Variants in NRIP2 observed in about 807,000 individuals in gnomAD.
NRIP2 encodes the protein nuclear receptor-interacting protein 2.
In NRIP2, 27 loss-of-function variants were observed where a neutral mutation model predicts 34.1. That is an observed-to-expected ratio of 0.79 (90% CI 0.58 to 1.09). The LOEUF (loss-of-function observed/expected upper bound fraction) is 1.09. Ranked by LOEUF, NRIP2 falls within the 50% of genes least tolerant of loss-of-function variation. The probability of loss-of-function intolerance (pLI) is 0.00; values close to 1 mark genes in which losing one functional copy is unlikely to be tolerated. For synonymous variants in NRIP2, 145 were observed against 146.9 expected, an observed-to-expected ratio of 0.99 and a Z score of 0.09; for missense variants, 385 against 352.6, an observed-to-expected ratio of 1.09 and a Z score of -0.74.
At chr12:2,830,614 T>C in intron 2 of NRIP2, 94 bp downstream of exon 2, 1 of 1,351,142 alleles carries the variant, frequency 7.4e-7, no homozygotes, top group Non-Finnish European at 1.0e-6. Flanking sequence ...TCTCCCTCCC[T>C]CCCTCTCCCA....
chr12:2,830,618 T>C (rs904907182), intron 2 of NRIP2, 90 bp downstream of exon 2: 9 of 1,379,666 alleles, frequency 6.5e-6, no homozygotes, highest in Non-Finnish European at 8.8e-6. Context: ...CCTCCCTCCC[T>C]CTCCCATCAG....
At chr12:2,830,455 CTTAAT>C in intron 2 of NRIP2, 3 of 410,650 alleles carry the variant, frequency 7.3e-6, no homozygotes, top group Non-Finnish European at 1.3e-5. Context: ...GGAGTACTTA[CTTAAT>C]TTAAGTATTG....
chr12:2,827,947 C>T lies in NRIP2; in HGVS notation c.679G>A (p.Val227Met). 1.2e-6 allele frequency: 2 copies of T among 1,614,178 alleles called. No individual in the cohort carries two copies. The highest frequency in any genetic ancestry group is 2.2e-5 in the South Asian group (2 of 91,084). The change falls in exon 4 of 6, where the codon GTG (valine) becomes ATG (methionine). Residue 227 changes from valine to methionine, a missense_variant. Transcript: ENST00000337508. This position sits in a 1 kb window ranked among gnomAD's most constrained non-coding sequence, Gnocchi z 4.0. ...TTACCCACCACCTGTGCCGAGCACA[C>T]CACAGTCTCCTGCCCCAGCTGTAGC... ...LELQLGQETVVCSAQVVDAES... is the reference protein window; with the variant it reads ...LELQLGQETVMCSAQVVDAES...
intron 3 of NRIP2, 100 bp downstream of exon 3, chr12:2,828,232 A>G: frequency 8.2e-7 from 1 of 1,224,002 alleles, no homozygotes; most frequent in South Asian, 1.2e-5. Flanking sequence ...CTTTATTGAG[A>G]TAAAATATGC....
At position 2,826,884 on chromosome 12, in the gene NRIP2, G is replaced by A. The variant is rs984152947; in HGVS notation, c.*323C>T. On this transcript the variant is annotated 3_prime_UTR_variant, in exon 6 of 6. Transcript: ENST00000337508. Reference sequence around the variant, plus strand: ...AAGGACAGCAGTCAGCAGAGCCTTCGACCCAGCCCAAGCAGGCACCCCATT... The same window carrying A: ...AAGGACAGCAGTCAGCAGAGCCTTCAACCCAGCCCAAGCAGGCACCCCATT... 16 of 817,586 alleles carry A rather than the reference G, an allele frequency of 2.0e-5. 1 individual carries two copies. Among genetic ancestry groups the A allele is most frequent in the South Asian group, 1.1e-4 (5 of 45,218 alleles). 50.6% of individuals were successfully genotyped at this position (817,586 alleles called of 1,614,324 possible).
Position 2,827,299 on chromosome 12 carries a change from A to G in NRIP2, c.754T>C (p.Cys252Arg), listed in dbSNP as rs772802449. 1 of 1,613,356 alleles carries G rather than the reference A, an allele frequency of 6.2e-7. No individual in the cohort carries two copies. Among genetic ancestry groups the G allele is most frequent in the Non-Finnish European group, 8.5e-7 (1 of 1,179,790 alleles). ...LGLQTLLSLK[C>R]CIDLEHGVLR... The stretch of plus-strand genomic sequence containing the variant: ...ACTCCGTGCTCCAGGTCGATGCAGC[A>G]CTGCGGGGTGTAGAGCAGTCATGCC... Residue 252 changes from cysteine to arginine, a missense_variant and splice_region_variant, in exon 6 of 6, where the codon TGC becomes CGC. Physicochemically the swap from Cys to Arg is radical, Grantham distance 180. Coordinates refer to ENST00000337508, the MANE Select transcript of NRIP2 (RefSeq NM_031474.3). This position sits in a 1 kb window ranked among gnomAD's most constrained non-coding sequence, Gnocchi z 4.0.
In NRIP2 at chr12:2,830,700, C is replaced by T; in HGVS notation, c.495+8G>A. 5 of 1,605,762 alleles carry T rather than the reference C, an allele frequency of 3.1e-6. No homozygotes were observed. Among genetic ancestry groups the T allele is most frequent in the Non-Finnish European group, 4.3e-6 (5 of 1,176,334 alleles). On this transcript the variant is annotated splice_region_variant and intron_variant, in intron 2 of 5. Transcript: ENST00000337508. ...TTAATGAAAGTGTGTCCCTGGGAGG[C>T]CTCTCACCTTGCAGTTGACCAGAAG...
intron 3 of NRIP2, 52 bp from the exon 4 acceptor site, chr12:2,828,099 C>T (rs1464723025): frequency 6.7e-7 from 1 of 1,503,078 alleles, no homozygotes; most frequent in East Asian, 2.3e-5. Context: ...GAGGGTTCCA[C>T]CCCATTAATC....
rs771367947 is a variant in NRIP2, at chr12:2,827,951, A to G, written c.675T>C (p.Thr225=). 19 of 1,614,076 alleles carry G rather than the reference A, an allele frequency of 1.2e-5. No homozygotes were observed. The East Asian group carries it at 3.1e-4, about 26-fold the overall frequency. ...CCACCACCTGTGCCGAGCACACCAC[A>G]GTCTCCTGCCCCAGCTGTAGCTCCA... ...EQLELQLGQE[T]VVCSAQVVDA... The change falls in exon 4 of 6, where the codon ACT becomes ACC. Residue 225 remains threonine, a synonymous_variant. Transcript: ENST00000337508. The surrounding 1 kb of genome is among the most constrained non-coding windows in gnomAD (Gnocchi z 4.0).
intron 1 of NRIP2, among the ~76,000 whole-genome samples, chr12:2,832,043 A>C (rs2098005827): frequency 6.6e-6 from 1 of 152,104 alleles, no homozygotes; most frequent in Non-Finnish European, 1.5e-5. Flanking sequence ...GGAAGCTAAA[A>C]ACCTTGCTAC....
At position 2,828,435 on chromosome 12, in the gene NRIP2, T is replaced by C. The variant is rs199777447; in HGVS notation, c.496-21A>G. On this transcript the variant is annotated intron_variant, in intron 2 of 5. Coordinates refer to ENST00000337508, the MANE Select transcript of NRIP2 (RefSeq NM_031474.3). ...TGGCACTAAGAAAGAAGAATCGTGGTGAATCAGTGAGTCCCTAGGAGAATG... is the reference window on the plus strand; with the variant it reads ...TGGCACTAAGAAAGAAGAATCGTGGCGAATCAGTGAGTCCCTAGGAGAATG... 2.4e-5 allele frequency: 39 copies of C among 1,593,282 alleles called. No individual in the cohort carries two copies. The African/African-American group carries it at 5.0e-4, about 20-fold the overall frequency.
chr12:2,830,988 T>G (rs1240842652), intron 1 of NRIP2, 128 bp from the exon 2 acceptor site: 3 of 864,314 alleles, frequency 3.5e-6, no homozygotes, highest in Non-Finnish European at 4.9e-6. Flanking sequence ...ACCCTAGGAG[T>G]TTACCCTAGG....
intron 1 of NRIP2, 107 bp downstream of exon 1, chr12:2,834,535 A>T: frequency 6.9e-7 from 1 of 1,447,086 alleles, no homozygotes; most frequent in Non-Finnish European, 9.2e-7. Context: ...AGGGAGCGGG[A>T]CCTGAAAGCT....
At chr12:2,832,060 A>T (rs2098005914) in intron 1 of NRIP2, among the ~76,000 whole-genome samples, 1 of 152,076 alleles carries the variant, frequency 6.6e-6, no homozygotes, top group Non-Finnish European at 1.5e-5. Context: ...CTACTCCAAA[A>T]TGTGGTCCTC....
chr12:2,832,873 T>A (rs2098010555), intron 1 of NRIP2, among the ~76,000 whole-genome samples: 1 of 151,498 alleles, frequency 6.6e-6, no homozygotes, highest in African/African-American at 2.4e-5. Flanking sequence ...ATGAGGCCCT[T>A]GGGGTTGCTC....
intron 1 of NRIP2, among the ~76,000 whole-genome samples, chr12:2,833,656 A>G (rs1029592788): frequency 1.3e-5 from 2 of 152,172 alleles, no homozygotes; most frequent in African/African-American, 4.8e-5. Flanking sequence ...AAGCCTTTCT[A>G]CAAAGGATTT....
intron 1 of NRIP2, among the ~76,000 whole-genome samples, chr12:2,831,682 C>A (rs1047752971): frequency 6.6e-6 from 1 of 152,156 alleles, no homozygotes; most frequent in African/African-American, 2.4e-5. Context: ...TCCATCCAGT[C>A]ACTTCCCAAA....
rs766339002 is a variant in NRIP2 at position 2,828,339 on chromosome 12, G to T, written c.571C>A (p.Arg191Ser). The change falls in exon 3 of 6, where the codon CGC becomes AGC. Residue 191 changes from arginine (R) to serine (S), a missense_variant. Coordinates refer to ENST00000337508, the MANE Select transcript of NRIP2 (RefSeq NM_031474.3). ...YNRISAGCLS[R>S]LGLEKRVLKA... ...TTTGGGCCACATTCTTACCCCAGGCGGCTGAGACATCCAGCAGAGATCCGA... is the reference window on the plus strand; with the variant it reads ...TTTGGGCCACATTCTTACCCCAGGCTGCTGAGACATCCAGCAGAGATCCGA... 2.5e-6 allele frequency: 4 copies of T among 1,613,976 alleles called. No homozygotes were observed. In the Admixed American group the frequency reaches 6.7e-5, roughly 27 times the overall value.
Position 2,827,908 on chromosome 12 carries a change from G to A in NRIP2, c.700+18C>T, listed in dbSNP as rs2153925698. On this transcript the variant is annotated intron_variant, in intron 4 of 5. Coordinates refer to ENST00000337508, the MANE Select transcript of NRIP2 (RefSeq NM_031474.3). The surrounding 1 kb of genome is among the most constrained non-coding windows in gnomAD (Gnocchi z 4.0). Reference sequence around the variant, plus strand: ...AGGTGAGGTGAGCACCAGGGCTGTTGCAGAAGGGGGGACTTACCCACCACC... The same window carrying A: ...AGGTGAGGTGAGCACCAGGGCTGTTACAGAAGGGGGGACTTACCCACCACC... The A allele has an allele frequency of 6.2e-7, 1 of 1,613,812 alleles. No individual in the cohort carries two copies. Among genetic ancestry groups the A allele is most frequent in the East Asian group, 2.2e-5 (1 of 44,866 alleles).
Sources: gnomAD v4.1 joint callset for allele counts (sites outside exome capture counted in the v4.1 genomes callset) on GRCh38, gnomAD v4.1.1 for gene constraint, Gnocchi (gnomAD v3.1) non-coding constraint, MANE v1.5 for transcripts, NCBI Gene and HGNC (gene_info 2026-07-23, HGNC 2026-07-21) for gene names.